Variants in LSAMP observed in about 807,000 individuals in gnomAD.
LSAMP encodes limbic system associated membrane protein.
In LSAMP, 7 loss-of-function variants were observed where a neutral mutation model predicts 38.6. The observed-to-expected ratio is 0.18, with a 90% CI of 0.10 to 0.34. The LOEUF is 0.34. LSAMP is among the 10% of genes least tolerant of loss of function. LSAMP has a pLI of 1.00. For missense variants in LSAMP, 313 were observed against 420.0 expected, an observed-to-expected ratio of 0.75 and a Z score of 2.23; for synonymous variants, 154 against 166.8, an observed-to-expected ratio of 0.92 and a Z score of 0.59.
At chr3:116,000,426 A>C (rs1939956969) in intron 3 of LSAMP, among the ~76,000 whole-genome samples, 1 of 152,210 alleles carries the variant, frequency 6.6e-6, no homozygotes. Context: ...CTATGTGACT[A>C]TGAGTCATCA....
chr3:115,950,798 C>CAAAAAAAAAAAAAAAAAAAAAAAAAAA (rs56179163), intron 3 of LSAMP, among the ~76,000 whole-genome samples: 1 of 86,728 alleles, frequency 1.2e-5, no homozygotes, highest in African/African-American at 5.2e-5. Context: ...CAAGACTTAG[C>CAAAAAAAAAAAAAAAAAAAAAAAAAAA]AAAAAAAAAA....
At chr3:116,251,027 A>G (rs1265172755) in intron 1 of LSAMP, among the ~76,000 whole-genome samples, 2 of 152,238 alleles carry the variant, frequency 1.3e-5, no homozygotes, top group African/African-American at 4.8e-5. Flanking sequence ...AAGGGACAGA[A>G]GGTTAACTGT....
At chr3:115,969,129 G>A (rs1198980821) in intron 3 of LSAMP, among the ~76,000 whole-genome samples, 1 of 152,156 alleles carries the variant, frequency 6.6e-6, no homozygotes, top group Admixed American at 6.5e-5. Context: ...GTGATATGAG[G>A]ATAAAACCAG....
intron 1 of LSAMP, among the ~76,000 whole-genome samples, chr3:116,384,876 C>T (rs2048605119): frequency 6.6e-6 from 1 of 152,078 alleles, no homozygotes; most frequent in African/African-American, 2.4e-5. Flanking sequence ...ATAACCAGGG[C>T]AAAGCTCTAT....
chr3:116,090,364 TATAA>T (rs1402544008), intron 1 of LSAMP, among the ~76,000 whole-genome samples: 1 of 152,216 alleles, frequency 6.6e-6, no homozygotes, highest in Admixed American at 6.5e-5. Context: ...GAAATGCTGA[TATAA>T]ATACAGACCC....
intron 6 of LSAMP, among the ~76,000 whole-genome samples, chr3:115,816,362 G>T (rs1016365899): frequency 5.9e-5 from 9 of 152,156 alleles, no homozygotes; most frequent in Non-Finnish European, 1.0e-4. Context: ...AGGGAGCAGC[G>T]CAAAGCATAA....
intron 2 of LSAMP, 129 bp downstream of exon 2, chr3:116,086,195 C>T (rs1444717458): frequency 1.3e-5 from 10 of 768,410 alleles, no homozygotes; most frequent in South Asian, 5.4e-5. Flanking sequence ...GACAGAAAAT[C>T]GATACTTAAG....
intron 3 of LSAMP, among the ~76,000 whole-genome samples, chr3:115,961,336 T>C (rs1938619817): frequency 6.6e-6 from 1 of 152,232 alleles, no homozygotes; most frequent in Admixed American, 6.5e-5. Flanking sequence ...TTTTATCTTA[T>C]GGAGAAACTG....
At chr3:115,874,412 CA>C (rs1234855991) in intron 3 of LSAMP, among the ~76,000 whole-genome samples, 1 of 152,014 alleles carries the variant, frequency 6.6e-6, no homozygotes, top group Non-Finnish European at 1.5e-5. Context: ...TCTATTCTCT[CA>C]AAAAATTTGT....
chr3:116,313,876 C>G (rs529228304), intron 1 of LSAMP, among the ~76,000 whole-genome samples: 1 of 152,242 alleles, frequency 6.6e-6, no homozygotes, highest in African/African-American at 2.4e-5. Context: ...ATTGCTTGAA[C>G]CTGGAAGGCA....
chr3:115,960,925 A>G (rs1159037802), intron 3 of LSAMP, among the ~76,000 whole-genome samples: 4 of 152,242 alleles, frequency 2.6e-5, no homozygotes, highest in Non-Finnish European at 5.9e-5. Flanking sequence ...GTCAGTTCAC[A>G]GCAACTTCAG....
intron 2 of LSAMP, among the ~76,000 whole-genome samples, chr3:116,035,931 T>C (rs763212972): frequency 5.3e-5 from 8 of 152,198 alleles, no homozygotes; most frequent in Admixed American, 1.3e-4. Flanking sequence ...TGTTGGGAAA[T>C]GTGAGGTAAG....
intron 1 of LSAMP, among the ~76,000 whole-genome samples, chr3:116,259,145 C>T (rs1370685727): frequency 6.6e-6 from 1 of 152,126 alleles, no homozygotes; most frequent in East Asian, 1.9e-4. Flanking sequence ...TGTTCAGTGG[C>T]TCTGCAGTCA....
At chr3:116,226,551 C>T (rs2046344239) in intron 1 of LSAMP, among the ~76,000 whole-genome samples, 1 of 152,220 alleles carries the variant, frequency 6.6e-6, no homozygotes, top group African/African-American at 2.4e-5. Flanking sequence ...CTCAAGGCCC[C>T]AGGAATATGG....
At chr3:116,329,940 A>G (rs1033007453) in intron 1 of LSAMP, among the ~76,000 whole-genome samples, 1 of 152,214 alleles carries the variant, frequency 6.6e-6, no homozygotes, top group Non-Finnish European at 1.5e-5. Context: ...GTGTCATTCA[A>G]TATAGTGCTT....
chr3:116,117,404 T>A (rs1454175223), intron 1 of LSAMP, among the ~76,000 whole-genome samples: 1 of 152,244 alleles, frequency 6.6e-6, no homozygotes, highest in Non-Finnish European at 1.5e-5. Context: ...GGGTTCCCCA[T>A]AAACCCCATG....
intron 6 of LSAMP, among the ~76,000 whole-genome samples, chr3:115,827,068 T>G (rs970340220): frequency 6.6e-6 from 1 of 151,796 alleles, no homozygotes; most frequent in Non-Finnish European, 1.5e-5. Flanking sequence ...CCCAAGTTAC[T>G]CTAGCTTGCA....
intron 6 of LSAMP, among the ~76,000 whole-genome samples, chr3:115,829,675 G>T (rs1225692149): frequency 2.0e-5 from 3 of 152,172 alleles, no homozygotes. Context: ...GTATATGTGT[G>T]TGCCACACAA....
intron 3 of LSAMP, among the ~76,000 whole-genome samples, chr3:115,908,869 C>G (rs1359818235): frequency 2.0e-5 from 3 of 152,178 alleles, no homozygotes; most frequent in African/African-American, 7.2e-5. Flanking sequence ...GTTTGACCTT[C>G]TGTCCGGCAC....
Sources: gnomAD v4.1 joint callset for allele counts (sites outside exome capture counted in the v4.1 genomes callset) on GRCh38, gnomAD v4.1.1 for gene constraint, MANE v1.5 for transcripts, NCBI Gene and HGNC (gene_info 2026-07-23, HGNC 2026-07-21) for gene names.